The following ABCC4 variants were observed in gnomAD, a reference collection of about 807,000 sequenced individuals.
The protein encoded by ABCC4 is ATP binding cassette subfamily C member 4 (PEL blood group), also known as ATP-binding cassette sub-family C member 4.
ABCC4 carries 102 observed loss-of-function variants against 168.5 expected under a neutral mutation model. That is an observed-to-expected ratio of 0.61 (90% CI 0.52 to 0.71). ABCC4 has a LOEUF of 0.71. Ranked by LOEUF, ABCC4 falls within the 30% of genes least tolerant of loss-of-function variation. The pLI, the probability that ABCC4 is intolerant of heterozygous loss-of-function variation, is 0.00. For missense variants in ABCC4, 1,402 were observed against 1,605.8 expected (o/e 0.87, Z 2.17); for synonymous variants, 617 against 590.7 (o/e 1.04, Z -0.65).
intron 30 of ABCC4, among the ~76,000 whole-genome samples, chr13:95,022,443 T>C (rs2031146347): frequency 6.6e-6 from 1 of 152,236 alleles, no homozygotes; most frequent in Non-Finnish European, 1.5e-5. Context: ...TGCTGTCAAG[T>C]TTCTCTGTTC....
intron 20 of ABCC4, among the ~76,000 whole-genome samples, chr13:95,098,340 T>C (rs2034682045): frequency 6.6e-6 from 1 of 151,810 alleles, no homozygotes; most frequent in Non-Finnish European, 1.5e-5. Context: ...CAATGTAACT[T>C]AAAAAATATA....
At chr13:95,286,816 G>A (rs2041267991) in intron 1 of ABCC4, among the ~76,000 whole-genome samples, 1 of 151,846 alleles carries the variant, frequency 6.6e-6, no homozygotes, top group South Asian at 2.1e-4. Flanking sequence ...AATTAGCCAG[G>A]TGTGGTGGCA....
chr13:95,146,208 CAAA>C (rs796273450), intron 19 of ABCC4, among the ~76,000 whole-genome samples: 11 of 124,858 alleles, frequency 8.8e-5, no homozygotes, highest in Admixed American at 8.1e-5. Context: ...AAGACTCTCT[CAAA>C]AAAAAAAAAA....
chr13:95,098,740 C>T (rs971716394), intron 20 of ABCC4, among the ~76,000 whole-genome samples: 5 of 151,988 alleles, frequency 3.3e-5, no homozygotes, highest in Admixed American at 1.3e-4. Context: ...AGATCTGAAC[C>T]AGTATTTCAG....
intron 19 of ABCC4, among the ~76,000 whole-genome samples, chr13:95,150,399 A>C (rs887332493): frequency 2.0e-5 from 3 of 152,220 alleles, no homozygotes; most frequent in African/African-American, 7.2e-5. Flanking sequence ...ATGCAAATGC[A>C]AACAAGACAT....
chr13:95,161,106 A>C, intron 19 of ABCC4, 83 bp downstream of exon 19: 1 of 1,139,134 alleles, frequency 8.8e-7, no homozygotes, highest in Non-Finnish European at 1.2e-6. Context: ...CATCCCTTCC[A>C]TTTTCAAAGA....
intron 30 of ABCC4, among the ~76,000 whole-genome samples, chr13:95,029,998 T>TCCAC (rs2031793953): frequency 1.3e-5 from 2 of 150,632 alleles, no homozygotes; most frequent in African/African-American, 4.9e-5. Flanking sequence ...TATCCATCCA[T>TCCAC]CCATCCATCC....
intron 4 of ABCC4, among the ~76,000 whole-genome samples, chr13:95,224,736 C>CA (rs57323662): frequency 0.019 from 2,374 of 123,978 alleles, 38 homozygotes; most frequent in East Asian, 0.1. Context: ...GACTCTGTCT[C>CA]AAAAAAAAAA....
At chr13:95,240,669 CTATTA>C (rs1232995293) in intron 3 of ABCC4, among the ~76,000 whole-genome samples, 1 of 151,912 alleles carries the variant, frequency 6.6e-6, no homozygotes, top group Non-Finnish European at 1.5e-5. Flanking sequence ...GCTTAGTATT[CTATTA>C]TATTTTATAT....
intron 25 of ABCC4, 50 bp downstream of exon 25, chr13:95,071,612 T>C (rs374302482): frequency 3.4e-5 from 46 of 1,365,342 alleles, no homozygotes; most frequent in Middle Eastern, 1.9e-4. Context: ...CAAGCAGACA[T>C]AGCACTAAAT....
intron 21 of ABCC4, among the ~76,000 whole-genome samples, chr13:95,078,294 C>A (rs2033976273): frequency 6.6e-6 from 1 of 152,072 alleles, no homozygotes; most frequent in African/African-American, 2.4e-5. Context: ...CGCCTGTAGT[C>A]CCAACTACTC....
intron 8 of ABCC4, among the ~76,000 whole-genome samples, chr13:95,198,350 T>G (rs1028789640): frequency 6.6e-6 from 1 of 151,910 alleles, no homozygotes; most frequent in African/African-American, 2.4e-5. Flanking sequence ...AACAAACATA[T>G]GAAAAAAAGC....
rs1355532076 is a variant in ABCC4 at position 95,121,431 on chromosome 13, G to T, written c.2456-5430C>A. 6.0e-3 allele frequency among the ~76,000 whole-genome samples: 834 copies of T among 138,492 alleles called. 8 individuals are homozygous for T. Among genetic ancestry groups the T allele is most frequent in the African/African-American group, 0.02 (754 of 37,848 alleles). 90.9% of individuals were successfully genotyped at this position (138,492 alleles called of 152,430 possible). ...TTCAAACTTTATGGGGTTTTTTTTT[G>T]TTTTTTTTTTTTTGAGAAAAGGTCT... On this transcript the variant is annotated intron_variant, in intron 19 of 30. Coordinates refer to ENST00000645237, the MANE Select transcript of ABCC4 (RefSeq NM_005845.5).
chr13:95,130,602 T>C (rs1277579630), intron 19 of ABCC4, among the ~76,000 whole-genome samples: 2 of 152,244 alleles, frequency 1.3e-5, no homozygotes, highest in Non-Finnish European at 2.9e-5. Flanking sequence ...AGTAGATTTA[T>C]TCGCATTAAG....
At chr13:95,029,783 C>T (rs2139211366) in intron 30 of ABCC4, among the ~76,000 whole-genome samples, 1 of 152,328 alleles carries the variant, frequency 6.6e-6, no homozygotes, top group Admixed American at 6.5e-5. Flanking sequence ...CTTTGACTCA[C>T]TTAAACATAC....
chr13:95,174,136 C>T (rs1001640608), intron 13 of ABCC4, among the ~76,000 whole-genome samples: 2 of 152,180 alleles, frequency 1.3e-5, no homozygotes, highest in Non-Finnish European at 2.9e-5. Flanking sequence ...TAGAACACAA[C>T]CACATCTATA....
At chr13:95,169,527 C>T (rs1351270157) in intron 14 of ABCC4, among the ~76,000 whole-genome samples, 1 of 152,130 alleles carries the variant, frequency 6.6e-6, no homozygotes, top group Non-Finnish European at 1.5e-5. Flanking sequence ...CACCAGGTAA[C>T]TTCCAGCTTT....
chr13:95,273,815 T>TG (rs141459293), intron 1 of ABCC4, among the ~76,000 whole-genome samples: 4,794 of 124,136 alleles, frequency 0.039, 157 homozygotes, highest in Non-Finnish European at 0.06. Context: ...TTTTTTGGTT[T>TG]GTTTTTTTTT....
At chr13:95,134,718 T>C (rs1170593285) in intron 19 of ABCC4, among the ~76,000 whole-genome samples, 1 of 151,922 alleles carries the variant, frequency 6.6e-6, no homozygotes, top group Non-Finnish European at 1.5e-5. Flanking sequence ...AGACTCTGTC[T>C]CAAAAAAATT....
Sources: gnomAD v4.1 joint callset for allele counts (sites outside exome capture counted in the v4.1 genomes callset) on GRCh38, gnomAD v4.1.1 for gene constraint, MANE v1.5 for transcripts, NCBI Gene and HGNC (gene_info 2026-07-23, HGNC 2026-07-21) for gene names.